The following PSPC1 variants were observed in gnomAD, a reference collection of about 807,000 sequenced individuals.
PSPC1 encodes paraspeckle component 1.
PSPC1 carries 14 observed loss-of-function variants against 51.6 expected under a neutral mutation model. That is an observed-to-expected ratio of 0.27 (90% CI 0.18 to 0.42). PSPC1 has a LOEUF of 0.42. Ranked by LOEUF, PSPC1 falls within the 10% of genes least tolerant of loss-of-function variation. The pLI is 1.00. For missense variants in PSPC1, 406 were observed against 701.1 expected (o/e 0.58, Z 4.75); for synonymous variants, 193 against 231.9 (o/e 0.83, Z 1.53).
chr13:19,687,711 T>C (rs1287300446), intron 6 of PSPC1, among the ~76,000 whole-genome samples: 1 of 152,154 alleles, frequency 6.6e-6, no homozygotes. Flanking sequence ...TCTTGATTTC[T>C]GCCCTTCTTC....
At chr13:19,702,109 TC>T (rs1879980234), downstream of PSPC1, among the ~76,000 whole-genome samples, 2 of 156 alleles carry the variant, frequency 0.013, no homozygotes, top group Admixed American at 0.062. Context: ...CTTGGATGTC[TC>T]TCAGCATTAT....
At chr13:19,708,634 A>G (rs1881006961) in intron 7 of PSPC1, among the ~76,000 whole-genome samples, 1 of 152,198 alleles carries the variant, frequency 6.6e-6, no homozygotes, top group Non-Finnish European at 1.5e-5. Context: ...ACTCTAAAAC[A>G]TGCATTGGCG....
chr13:19,673,123 C>T (rs1416058444), downstream of PSPC1: 10 of 449,610 alleles, frequency 2.2e-5, no homozygotes, highest in East Asian at 5.6e-4. Context: ...AAAGCCAGAC[C>T]TTGTGCCCTT....
chr13:19,767,050 T>C (rs1410215761), intron 2 of PSPC1, among the ~76,000 whole-genome samples: 1 of 151,860 alleles, frequency 6.6e-6, no homozygotes, highest in Non-Finnish European at 1.5e-5. Flanking sequence ...GGCTCATGTC[T>C]GTAATCCCAG....
chr13:19,736,576 C>T (rs929313622), intron 5 of PSPC1, among the ~76,000 whole-genome samples: 4 of 151,882 alleles, frequency 2.6e-5, no homozygotes, highest in African/African-American at 7.3e-5. Flanking sequence ...CTAGCTACTC[C>T]GGAGGCTGAG....
chr13:19,742,812 C>A lies in PSPC1; in HGVS notation c.968-1163G>T, dbSNP rs77026274. ...CAACACATGCCTTCAGAGACACCAG[C>A]AGAGAGCACTTAAGAACCAGACCAA... is the stretch of plus-strand genomic sequence containing the variant. On this transcript the variant is annotated intron_variant, in intron 4 of 8. Coordinates refer to ENST00000338910, the MANE Select transcript of PSPC1 (RefSeq NM_001354909.2). Among the ~76,000 whole-genome samples, 296 of 152,228 alleles carry A rather than the reference C, an allele frequency of 1.9e-3. 1 individual carries two copies. The highest frequency in any genetic ancestry group is 3.4e-3 in the Middle Eastern group (1 of 294).
chr13:19,738,215 G>C (rs1483037299), intron 5 of PSPC1, among the ~76,000 whole-genome samples: 1 of 152,114 alleles, frequency 6.6e-6, no homozygotes, highest in Non-Finnish European at 1.5e-5. Context: ...TCATACCTCT[G>C]ATTCAAATCA....
At chr13:19,748,899 A>G (rs1886255723) in intron 4 of PSPC1, among the ~76,000 whole-genome samples, 1 of 152,008 alleles carries the variant, frequency 6.6e-6, no homozygotes, top group Non-Finnish European at 1.5e-5. Context: ...TTTCAAAACC[A>G]CTGGACTGGA....
At chr13:19,677,031 G>A (rs555271784) in intron 7 of PSPC1, among the ~76,000 whole-genome samples, 13 of 152,066 alleles carry the variant, frequency 8.5e-5, no homozygotes, top group Non-Finnish European at 1.3e-4. Context: ...TCAGGAGATC[G>A]AGACCATCCT....
At chr13:19,759,257 T>C (rs965413138) in intron 3 of PSPC1, 66 bp downstream of exon 3, 2 of 1,281,862 alleles carry the variant, frequency 1.6e-6, no homozygotes, top group African/African-American at 1.5e-5. Flanking sequence ...AATCCAATAT[T>C]TGAAAACAAA....
intron 2 of PSPC1, among the ~76,000 whole-genome samples, chr13:19,759,639 T>G (rs772321347): frequency 6.6e-6 from 1 of 151,856 alleles, no homozygotes; most frequent in Non-Finnish European, 1.5e-5. Context: ...GGAGGGCACA[T>G]CATTTGAGGT....
At chr13:19,678,699 C>T (rs767452482) in intron 6 of PSPC1, 1 of 152,110 alleles carries the variant, frequency 6.6e-6, no homozygotes, top group Non-Finnish European at 1.5e-5. Flanking sequence ...CCACAGATAC[C>T]CTAATGCACC....
chr13:19,681,013 T>C (rs78633788), intron 6 of PSPC1, among the ~76,000 whole-genome samples: 4 of 152,236 alleles, frequency 2.6e-5, no homozygotes, highest in African/African-American at 9.6e-5. Flanking sequence ...AGGTCAAGAG[T>C]TTGAGACCAG....
At position 19,741,627 on chromosome 13, in the gene PSPC1, T is replaced by C; in HGVS notation, c.990A>G (p.Glu330=). The change falls in exon 5 of 9, where the codon GAA becomes GAG. Residue 330 remains glutamate (E), a synonymous_variant. Coordinates refer to ENST00000338910, the MANE Select transcript of PSPC1 (RefSeq NM_001354909.2). ...MRQDLMRRQE[E]LRRLEELRNQ... Reference sequence around the variant, plus strand: ...TTCTGAGTTCTTCCAAGCGTCTGAGTTCTTCTTGACGCCTCATTAGATCTA... The same window carrying C: ...TTCTGAGTTCTTCCAAGCGTCTGAGCTCTTCTTGACGCCTCATTAGATCTA... The C allele has an allele frequency of 6.2e-7, 1 of 1,604,506 alleles. No individual in the cohort carries two copies. Among genetic ancestry groups the C allele is most frequent in the Non-Finnish European group, 8.5e-7 (1 of 1,173,960 alleles).
intron 3 of PSPC1, among the ~76,000 whole-genome samples, chr13:19,753,364 CACCTAG>C (rs1566030443): frequency 6.6e-6 from 1 of 151,272 alleles, no homozygotes; most frequent in Non-Finnish European, 1.5e-5. Flanking sequence ...GGCTACAGAG[CACCTAG>C]AACTACAGAG....
chr13:19,739,875 A>C (rs1029948562), intron 5 of PSPC1, among the ~76,000 whole-genome samples: 3 of 151,964 alleles, frequency 2.0e-5, no homozygotes, highest in East Asian at 1.9e-4. Flanking sequence ...AAAAAAAAAA[A>C]AAAAAACAGT....
chr13:19,685,680 C>A (rs917189831), intron 6 of PSPC1, among the ~76,000 whole-genome samples: 4 of 152,158 alleles, frequency 2.6e-5, no homozygotes, highest in Non-Finnish European at 2.9e-5. Context: ...TGAGCAGATT[C>A]TCCAATCAAG....
chr13:19,752,730 C>T (rs559341732), intron 3 of PSPC1, among the ~76,000 whole-genome samples: 5 of 152,136 alleles, frequency 3.3e-5, no homozygotes, highest in South Asian at 2.1e-4. Flanking sequence ...GGATTACAGG[C>T]GTCCGCCACC....
chr13:19,671,737 A>G (rs1593495635), downstream of PSPC1: 1 of 1,118,136 alleles, frequency 8.9e-7, no homozygotes, highest in Non-Finnish European at 1.3e-6. Flanking sequence ...AATATTGCCA[A>G]ATAATAGAAG....
Sources: gnomAD v4.1 joint callset for allele counts (sites outside exome capture counted in the v4.1 genomes callset) on GRCh38, gnomAD v4.1.1 for gene constraint, MANE v1.5 for transcripts, NCBI Gene and HGNC (gene_info 2026-07-23, HGNC 2026-07-21) for gene names.